The following UNC5B variants were observed in gnomAD, a reference collection of about 807,000 sequenced individuals.
The protein encoded by UNC5B is unc-5 netrin receptor B.
In UNC5B, 56 loss-of-function variants were observed where a neutral mutation model predicts 103.7. The observed-to-expected ratio is 0.54, with a 90% CI of 0.44 to 0.67. UNC5B has a LOEUF of 0.67. Among genes scored for constraint, UNC5B ranks in the 30% least tolerant of loss-of-function variants. UNC5B has a pLI of 0.00. For synonymous variants in UNC5B, 577 were observed against 542.0 expected (o/e 1.06, Z -0.90); for missense variants, 1,194 against 1,284.5 (o/e 0.93, Z 1.08).
chr10:71,268,291 C>T (rs1844565910), intron 1 of UNC5B, among the ~76,000 whole-genome samples: 2 of 152,250 alleles, frequency 1.3e-5, no homozygotes, highest in South Asian at 4.1e-4. Context: ...ATGCCCATTT[C>T]ACAGATTGGC....
chr10:71,229,453 C>T (rs964068248), intron 1 of UNC5B, among the ~76,000 whole-genome samples: 1 of 152,232 alleles, frequency 6.6e-6, no homozygotes, highest in Admixed American at 6.5e-5. Flanking sequence ...GTGTCCTCCT[C>T]CGCCCCTGCC....
chr10:71,233,306 C>T (rs910551665), intron 1 of UNC5B, among the ~76,000 whole-genome samples: 2 of 152,144 alleles, frequency 1.3e-5, no homozygotes, highest in South Asian at 2.1e-4. Context: ...TCCCGGGGTC[C>T]TGAGGTGGCC....
intron 1 of UNC5B, among the ~76,000 whole-genome samples, chr10:71,232,269 C>T (rs951157842): frequency 6.6e-6 from 1 of 152,280 alleles, no homozygotes; most frequent in Non-Finnish European, 1.5e-5. Flanking sequence ...TCATCTCCTC[C>T]TCTGATAGCA....
intron 1 of UNC5B, among the ~76,000 whole-genome samples, chr10:71,250,977 C>A (rs1433978049): frequency 1.3e-5 from 2 of 152,182 alleles, no homozygotes; most frequent in South Asian, 4.1e-4. Flanking sequence ...CAATCCTGAA[C>A]AAACAGTGAT....
At chr10:71,245,720 C>A (rs1316129452) in intron 1 of UNC5B, among the ~76,000 whole-genome samples, 4 of 152,212 alleles carry the variant, frequency 2.6e-5, no homozygotes, top group Non-Finnish European at 2.9e-5. Context: ...AGTCCCTGCT[C>A]CACCCACAGC....
At chr10:71,240,324 A>G (rs1843870803) in intron 1 of UNC5B, among the ~76,000 whole-genome samples, 1 of 152,264 alleles carries the variant, frequency 6.6e-6, no homozygotes, top group African/African-American at 2.4e-5. Context: ...CTCACCACCA[A>G]GGATACTTCA....
chr10:71,302,114 GCTGC>G lies in UNC5B; in HGVS notation c.*2844_*2847del, dbSNP rs1316667080. ...TTGCCGACTCCATCCGTCTGTGGAG[GCTGC>G]CTGCCTCCGGGGTGGGATGGGTGGT... On this transcript the variant is annotated 3_prime_UTR_variant, in exon 17 of 17. Coordinates refer to ENST00000335350, the MANE Select transcript of UNC5B (RefSeq NM_170744.5). 2 of 152,272 alleles carry G rather than the reference GCTGC, an allele frequency of 1.3e-5. No homozygotes were observed. Among genetic ancestry groups the G allele is most frequent in the Non-Finnish European group, 2.9e-5 (2 of 68,076 alleles). The allele number at this position is 152,272 out of a possible 1,614,324, so 9.4% of individuals were successfully genotyped here.
chr10:71,297,901 C>A lies in UNC5B; in HGVS notation c.2491-8C>A, dbSNP rs755485050. ...TGCCCCTCTCACTCTTGGCCCCCAC[C>A]CTTGCAGACACCTGCTGGCTCCCTG... On this transcript the variant is annotated splice_region_variant and splice_polypyrimidine_tract_variant and intron_variant, in intron 15 of 16. Coordinates refer to ENST00000335350, the MANE Select transcript of UNC5B (RefSeq NM_170744.5). 6.2e-7 allele frequency: 1 copy of A among 1,609,120 alleles called. No individual in the cohort carries two copies. The highest frequency in any genetic ancestry group is 8.5e-7 in the Non-Finnish European group (1 of 1,177,952).
intron 1 of UNC5B, among the ~76,000 whole-genome samples, chr10:71,256,357 C>T (rs531475718): frequency 6.6e-6 from 1 of 152,216 alleles, no homozygotes; most frequent in African/African-American, 2.4e-5. Context: ...CAGCTGGGCT[C>T]AGGAGAGCCA....
intron 1 of UNC5B, among the ~76,000 whole-genome samples, chr10:71,278,238 C>T (rs1206893766): frequency 6.6e-6 from 1 of 152,178 alleles, no homozygotes; most frequent in Non-Finnish European, 1.5e-5. Context: ...GTTGTTCGTT[C>T]GATGCAGCAA....
At chr10:71,230,974 A>G (rs1021721879) in intron 1 of UNC5B, among the ~76,000 whole-genome samples, 10 of 152,148 alleles carry the variant, frequency 6.6e-5, no homozygotes, top group African/African-American at 2.2e-4. Flanking sequence ...GCAGCAAGCC[A>G]CCTCCATGGT....
chr10:71,282,653 C>T (rs1844960438), intron 2 of UNC5B, among the ~76,000 whole-genome samples: 1 of 152,118 alleles, frequency 6.6e-6, no homozygotes, highest in African/African-American at 2.4e-5. Context: ...GGCACTGTCA[C>T]CCACCCCTGA....
At chr10:71,246,278 A>T (rs1844033894) in intron 1 of UNC5B, among the ~76,000 whole-genome samples, 1 of 152,158 alleles carries the variant, frequency 6.6e-6, no homozygotes, top group Admixed American at 6.5e-5. Context: ...CTGAGGAGGC[A>T]TGGAGGTCCC....
chr10:71,260,556 C>T (rs4596991), intron 1 of UNC5B, among the ~76,000 whole-genome samples: 139,310 of 152,294 alleles, frequency 0.91, 63,928 homozygotes, highest in Middle Eastern at 0.98. Flanking sequence ...GCTCAGGGCC[C>T]TTGGTCATCT....
At chr10:71,236,336 A>G (rs1420267311) in intron 1 of UNC5B, among the ~76,000 whole-genome samples, 3 of 152,030 alleles carry the variant, frequency 2.0e-5, no homozygotes, top group Non-Finnish European at 2.9e-5. Context: ...CCCTGCCCCC[A>G]GCATCCCTTG....
chr10:71,302,702 A>C lies in UNC5B; in HGVS notation c.*3425A>C, dbSNP rs1361362799. ...GGCTGGACCCCTGCCAGGTCTGTGG[A>C]CATGGTTATATGCCCGGGAGAGGGG... On this transcript the variant is annotated 3_prime_UTR_variant, in exon 17 of 17. Transcript: ENST00000335350. 1 of 151,912 alleles carries C rather than the reference A, an allele frequency of 6.6e-6. No individual in the cohort carries two copies. Among genetic ancestry groups the C allele is most frequent in the African/African-American group, 2.4e-5 (1 of 41,300 alleles). The allele number at this position is 151,912 out of a possible 1,614,324, so 9.4% of individuals were successfully genotyped here. A position where few individuals can be genotyped will look rare whatever the true frequency, so the allele number is the denominator to read the frequency against.
chr10:71,255,959 A>G (rs1397967208), intron 1 of UNC5B, among the ~76,000 whole-genome samples: 1 of 152,230 alleles, frequency 6.6e-6, no homozygotes, highest in Non-Finnish European at 1.5e-5. Context: ...TCGACTATGT[A>G]TTGAGTCATA....
chr10:71,239,337 G>A (rs1003018080), intron 1 of UNC5B, among the ~76,000 whole-genome samples: 2 of 151,720 alleles, frequency 1.3e-5, no homozygotes, highest in African/African-American at 2.4e-5. Flanking sequence ...GGAGAACCTC[G>A]TTATGAAGAG....
intron 6 of UNC5B, 25 bp downstream of exon 6, chr10:71,287,790 C>T: frequency 6.2e-7 from 1 of 1,602,926 alleles, no homozygotes; most frequent in South Asian, 1.1e-5. Context: ...CCATGTCCAG[C>T]CCCACCCCGA....
Sources: gnomAD v4.1 joint callset for allele counts (sites outside exome capture counted in the v4.1 genomes callset) on GRCh38, gnomAD v4.1.1 for gene constraint, MANE v1.5 for transcripts, NCBI Gene and HGNC (gene_info 2026-07-23, HGNC 2026-07-21) for gene names.